The following CC2D1B variants were observed in gnomAD, a reference collection of about 807,000 sequenced individuals.
CC2D1B encodes coiled-coil and C2 domain containing 1B.
A neutral mutation model predicts 110.8 loss-of-function variants in CC2D1B; 92 were observed. That is an observed-to-expected ratio of 0.83 (90% CI 0.70 to 0.99). CC2D1B has a LOEUF of 0.99. Ranked by LOEUF, CC2D1B falls within the 50% of genes least tolerant of loss-of-function variation. CC2D1B has a pLI of 0.00. For missense variants in CC2D1B, 1,136 were observed against 1,089.0 expected (o/e 1.04, Z -0.61); for synonymous variants, 406 against 429.2 (o/e 0.95, Z 0.67).
rs1343443915 is a variant in CC2D1B, at chr1:52,358,755, A to G, written c.1261T>C (p.Tyr421His). 1 of 1,609,262 alleles carries G rather than the reference A, an allele frequency of 6.2e-7. No individual in the cohort carries two copies. The highest frequency in any genetic ancestry group is 2.2e-5 in the East Asian group (1 of 44,820). The change falls in exon 12 of 25, where the codon TAT becomes CAT. Residue 421 changes from tyrosine (Y) to histidine (H), a missense_variant. Tyr to His is a moderately conservative substitution (Grantham distance 83). Transcript: ENST00000284376. ...ARMHERIAKQ[Y>H]QDAIRAHRAG... ...CGGTGTGCTCGAATAGCATCTTGAT[A>G]TTGCTGCAAGGGAAGGAAGGGAGGG...
chr1:52,354,528 C>G lies in CC2D1B; in HGVS notation c.2430+80G>C, dbSNP rs1030895939. 80 of 1,177,750 alleles carry G rather than the reference C, an allele frequency of 6.8e-5. 1 individual carries two copies. In the Admixed American group the frequency reaches 1.2e-3, roughly 18 times the overall value. The allele number at this position is 1,177,750 out of a possible 1,614,324, so 73.0% of individuals were successfully genotyped here. On this transcript the variant is annotated intron_variant, in intron 23 of 24. Coordinates refer to ENST00000284376, the MANE Select transcript of CC2D1B (RefSeq NM_001330585.2). ...CAAATTAAGTAATGAGCACGAAAAC[C>G]TACAACAAGGTGTGGCATTCAGTGC... is the stretch of plus-strand genomic sequence containing the variant.
chr1:52,359,689 G>T lies in CC2D1B; in HGVS notation c.942+16C>A. ...TCTATAAAATGAGGGTGGGTGCCCTGAGCCAGATGCCATACCTTCCCAATC... is the reference window on the plus strand; with the variant it reads ...TCTATAAAATGAGGGTGGGTGCCCTTAGCCAGATGCCATACCTTCCCAATC... On this transcript the variant is annotated intron_variant, in intron 8 of 24. Transcript: ENST00000284376. 1 of 1,580,844 alleles carries T rather than the reference G, an allele frequency of 6.3e-7. No homozygotes were observed. The highest frequency in any genetic ancestry group is 1.2e-5 in the South Asian group (1 of 86,916).
In CC2D1B at chr1:52,360,433, GC is replaced by G. The variant is rs765202752; in HGVS notation, c.593del (p.Arg198ProfsTer3). On this transcript the variant is annotated frameshift_variant, in exon 6 of 25. Transcript: ENST00000284376. LOFTEE classifies it high-confidence loss of function. Reference sequence around the variant, plus strand: ...GCCTAGCCCGACTCACCTTCAGGCCGCGCTCGCAGCGCCTGGCTTTGGCTGC... The same window carrying G: ...GCCTAGCCCGACTCACCTTCAGGCCGGCTCGCAGCGCCTGGCTTTGGCTGC... ...GEAAKARRCE[R>X]GLKTLESQLA... 1.1e-5 allele frequency: 17 copies of G among 1,613,492 alleles called. No homozygotes were observed. Among genetic ancestry groups the G allele is most frequent in the Non-Finnish European group, 1.4e-5 (17 of 1,179,914 alleles).
chr1:52,365,510 C>A (rs990101097), intron 1 of CC2D1B, among the ~76,000 whole-genome samples: 2 of 152,214 alleles, frequency 1.3e-5, no homozygotes, highest in Non-Finnish European at 2.9e-5. Flanking sequence ...GAACCTGAGG[C>A]CTGGTATGAC....
chr1:52,359,375 G>A lies in CC2D1B; in HGVS notation c.1019-18C>T, dbSNP rs1163951560. On this transcript the variant is annotated intron_variant, in intron 9 of 24. Coordinates refer to ENST00000284376, the MANE Select transcript of CC2D1B (RefSeq NM_001330585.2). ...CTTCAGATCTGGGGGACCCAGAGTA[G>A]AGGTGTAGGTGGGAGGGCCTGGCCA... 1 of 1,613,426 alleles carries A rather than the reference G, an allele frequency of 6.2e-7. No individual in the cohort carries two copies. The highest frequency in any genetic ancestry group is 1.1e-5 in the South Asian group (1 of 91,032).
In CC2D1B at chr1:52,353,100, A is replaced by T; in HGVS notation, c.*125T>A. On this transcript the variant is annotated 3_prime_UTR_variant, in exon 25 of 25. Transcript: ENST00000284376. ...GTCGTGGTCAGTAGTGCACATGCTT[A>T]ACAGGTCTTTGGTGCTTGGGTAGCA... 1.0e-6 allele frequency: 1 copy of T among 990,656 alleles called. No individual in the cohort carries two copies. The highest frequency in any genetic ancestry group is 1.4e-6 in the Non-Finnish European group (1 of 703,166). The allele number at this position is 990,656 out of a possible 1,614,324, so 61.4% of individuals were successfully genotyped here.
At chr1:52,356,859 A>G (rs1253569324) in intron 16 of CC2D1B, 142 bp downstream of exon 16, 1 of 947,020 alleles carries the variant, frequency 1.1e-6, no homozygotes, top group Admixed American at 2.9e-5. Flanking sequence ...TCAGAGAAGA[A>G]AGTGCCTTGC....
chr1:52,356,517 C>A, intron 16 of CC2D1B, 75 bp from the exon 17 acceptor site: 1 of 1,519,402 alleles, frequency 6.6e-7, no homozygotes, highest in Non-Finnish European at 9.1e-7. Context: ...GGCTAGACTT[C>A]TCAAAGCTTC....
Position 52,358,433 on chromosome 1 carries a change from G to A in CC2D1B, c.1359C>T (p.Ser453=). The A allele has an allele frequency of 1.9e-6, 3 of 1,613,996 alleles. No individual in the cohort carries two copies. The highest frequency in any genetic ancestry group is 1.7e-6 in the Non-Finnish European group (2 of 1,180,018). Residue 453 remains serine (S), a synonymous_variant, in exon 13 of 25, where the codon TCC becomes TCT. Coordinates refer to ENST00000284376, the MANE Select transcript of CC2D1B (RefSeq NM_001330585.2). ...CTGCGTCCTCCTCAACACCCATAGT[G>A]GACTCCAGGCCAGGGATGGGGGGAA... ...PGFPPIPGLE[S]TMGVEEDAVA...
chr1:52,355,505 G>A (rs2147889837), intron 20 of CC2D1B, 56 bp from the exon 21 acceptor site: 2 of 1,606,248 alleles, frequency 1.2e-6, no homozygotes, highest in Non-Finnish European at 1.7e-6. Context: ...GGCACACAGG[G>A]CAGGCACTGC....
In CC2D1B at chr1:52,353,564, C is replaced by T; in HGVS notation, c.2514G>A (p.Gln838=). 6.2e-7 allele frequency: 1 copy of T among 1,614,132 alleles called. No individual in the cohort carries two copies. The highest frequency in any genetic ancestry group is 1.6e-4 in the Middle Eastern group (1 of 6,062). Residue 838 remains glutamine, a synonymous_variant, in exon 24 of 25, where the codon CAG becomes CAA. Coordinates refer to ENST00000284376, the MANE Select transcript of CC2D1B (RefSeq NM_001330585.2). ...LREPLSGQDV[Q]MVTENWLVLE... ...GAACCAGCCAGTTCTCAGTGACCAT[C>T]TGCACATCCTGGCCACTCAGAGGCT...
Position 52,354,333 on chromosome 1 carries a change from AT to A in CC2D1B, c.2430+274del, listed in dbSNP as rs1358215294. ...TTTCCTCTCGGACCTGAGTTTCCTC[AT>A]TTGTCAGAGGCAAGGTCGTATAGTC... On this transcript the variant is annotated intron_variant, in intron 23 of 24. Transcript: ENST00000284376. 7 of 638,248 alleles carry A rather than the reference AT, an allele frequency of 1.1e-5. No homozygotes were observed. In the East Asian group the frequency reaches 1.9e-4, roughly 18 times the overall value. 39.5% of individuals were successfully genotyped at this position (638,248 alleles called of 1,614,324 possible).
rs1646756256 is a variant in CC2D1B, at chr1:52,360,488, G to A, written c.539C>T (p.Ala180Val). 1.2e-6 allele frequency: 2 copies of A among 1,614,116 alleles called. No individual in the cohort carries two copies. The highest frequency in any genetic ancestry group is 1.7e-6 in the Non-Finnish European group (2 of 1,180,046). The change falls in exon 6 of 25, where the codon GCT becomes GTT. Residue 180 changes from alanine (A) to valine (V), a missense_variant. Transcript: ENST00000284376. ...GCCTGCCTCCTTGGCACTGGCCGCA[G>A]CCTCTCGGTAGTTGTGAATCCGTTC... is the stretch of plus-strand genomic sequence containing the variant. Reference protein sequence around the residue: ...LEERIHNYREAAASAKEAGEA... With the variant: ...LEERIHNYREVAASAKEAGEA...
intron 13 of CC2D1B, chr1:52,358,111 G>T: frequency 2.3e-6 from 2 of 888,604 alleles, no homozygotes; most frequent in Non-Finnish European, 3.3e-6. Flanking sequence ...AGACTGCAGG[G>T]TAATGGGGAT....
At chr1:52,357,374 A>G (rs1327463228) in intron 15 of CC2D1B, 152 bp downstream of exon 15, 12 of 937,424 alleles carry the variant, frequency 1.3e-5, no homozygotes, top group Non-Finnish European at 1.7e-5. Flanking sequence ...CGTGAGGTAG[A>G]GGAGTATGAG....
chr1:52,353,010 T>C lies in CC2D1B; in HGVS notation c.*215A>G. The C allele has an allele frequency of 2.5e-6, 1 of 399,742 alleles. No individual in the cohort carries two copies. Among genetic ancestry groups the C allele is most frequent in the South Asian group, 2.0e-5 (1 of 49,300 alleles). The allele number at this position is 399,742 out of a possible 1,614,324, so 24.8% of individuals were successfully genotyped here. A position where few individuals can be genotyped will look rare whatever the true frequency, so the allele number is the denominator to read the frequency against. On this transcript the variant is annotated 3_prime_UTR_variant, in exon 25 of 25. Coordinates refer to ENST00000284376, the MANE Select transcript of CC2D1B (RefSeq NM_001330585.2). ...GGGGCAGGGGGAGACAGCGGGGAGA[T>C]GGGCTCCTGGAACCCAGCCTGTTTC...
chr1:52,353,364 G>T, intron 24 of CC2D1B, 141 bp from the exon 25 acceptor site: 7 of 1,508,702 alleles, frequency 4.6e-6, no homozygotes, highest in Non-Finnish European at 6.2e-6. Flanking sequence ...GTTCTACTGA[G>T]GAACATCAGA....
At chr1:52,354,801 T>G in intron 22 of CC2D1B, 39 bp downstream of exon 22, 2 of 1,605,610 alleles carry the variant, frequency 1.2e-6, no homozygotes, top group African/African-American at 1.3e-5. Context: ...TCTTCCCTCC[T>G]CCCGGCCCGT....
In CC2D1B at chr1:52,360,131, C is replaced by T; in HGVS notation, c.706G>A (p.Glu236Lys). 6.2e-7 allele frequency: 1 copy of T among 1,609,180 alleles called. No individual in the cohort carries two copies. The highest frequency in any genetic ancestry group is 8.5e-7 in the Non-Finnish European group (1 of 1,177,626). The change falls in exon 7 of 25, where the codon GAA becomes AAA. Residue 236 changes from glutamate (E) to lysine (K), a missense_variant. Physicochemically the swap from Glu to Lys is moderately conservative, Grantham distance 56. Transcript: ENST00000284376. ...ALGKRPLAPQ[E>K]PANRSPETDP... is the part of the protein sequence containing the mutation. ...GTCTCAGGGCTCCTGTTGGCTGGTTCCTGGGGGGCCAGGGGCCGCTTTCCT... is the reference window on the plus strand; with the variant it reads ...GTCTCAGGGCTCCTGTTGGCTGGTTTCTGGGGGGCCAGGGGCCGCTTTCCT...
Sources: allele counts gnomAD v4.1 joint callset (sites outside exome capture counted in the v4.1 genomes callset), GRCh38; gene constraint gnomAD v4.1.1; transcripts MANE v1.5; gene names NCBI Gene and HGNC (gene_info 2026-07-23, HGNC 2026-07-21).